The following STRN variants were observed in gnomAD, a reference collection of about 807,000 sequenced individuals.
STRN encodes striatin, also known as protein phosphatase 2 regulatory subunit B'''alpha.
STRN carries 53 observed loss-of-function variants against 96.3 expected under a neutral mutation model. The ratio of observed to expected loss-of-function variants is 0.55; its 90% CI spans 0.44 to 0.69. STRN has a LOEUF of 0.69. Ranked by LOEUF, STRN falls within the 30% of genes least tolerant of loss-of-function variation. STRN has a pLI of 0.00. For missense variants in STRN, 987 were observed against 963.9 expected (o/e 1.02, Z -0.32); for synonymous variants, 428 against 355.9 (o/e 1.20, Z -2.28).
intron 7 of STRN, among the ~76,000 whole-genome samples, chr2:36,893,362 CT>C (rs1280739426): frequency 1.3e-5 from 2 of 151,258 alleles, no homozygotes; most frequent in African/African-American, 4.8e-5. Context: ...ATTAAATGAC[CT>C]TTTTTTTATG....
Position 36,857,823 on chromosome 2 carries a change from G to T in STRN, c.1837+33C>A, listed in dbSNP as rs376741019. On this transcript the variant is annotated intron_variant, in intron 14 of 17. Coordinates refer to ENST00000263918, the MANE Select transcript of STRN (RefSeq NM_003162.4). ...TTTTCAGAATAAACTGTTTTATAGA[G>T]GATTCAGCAAAATAATTTTTTAAAG... 2.9e-5 allele frequency: 46 copies of T among 1,569,042 alleles called. No homozygotes were observed. In the Middle Eastern group the frequency reaches 5.1e-4, roughly 17 times the overall value.
rs1664653897 is a variant in STRN at position 36,948,327 on chromosome 2, T to C, written c.234+17903A>G. ...GTTGGCCAGGCTGGTCTCCAACTCCTGACCTCAGGTGATCCGCCCGCCTCG... is the reference window on the plus strand; with the variant it reads ...GTTGGCCAGGCTGGTCTCCAACTCCCGACCTCAGGTGATCCGCCCGCCTCG... On this transcript the variant is annotated intron_variant, in intron 1 of 17. Transcript: ENST00000263918. Among the ~76,000 whole-genome samples, 4 of 151,990 alleles carry C rather than the reference T, an allele frequency of 2.6e-5. No homozygotes were observed. In the South Asian group the frequency reaches 8.3e-4, roughly 31 times the overall value.
chr2:36,938,716 A>G (rs1029837897), intron 1 of STRN, among the ~76,000 whole-genome samples: 4 of 152,276 alleles, frequency 2.6e-5, no homozygotes, highest in Admixed American at 2.6e-4. Context: ...TCTTTTAACT[A>G]TTGTCCTATC....
chr2:36,869,879 A>C (rs1265574619), intron 10 of STRN, 150 bp from the exon 11 acceptor site: 5 of 579,532 alleles, frequency 8.6e-6, no homozygotes, highest in African/African-American at 1.9e-5. Flanking sequence ...AAATAACCAA[A>C]CCACGAAGCA....
At chr2:36,938,341 G>T (rs376893902) in intron 1 of STRN, among the ~76,000 whole-genome samples, 2 of 151,852 alleles carry the variant, frequency 1.3e-5, no homozygotes, top group African/African-American at 2.4e-5. Flanking sequence ...CACAAGAATT[G>T]CTTGAATCTG....
chr2:36,965,878 C>G (rs758157703), intron 1 of STRN, among the ~76,000 whole-genome samples: 44 of 152,138 alleles, frequency 2.9e-4, no homozygotes, highest in Non-Finnish European at 5.3e-4. Flanking sequence ...ACGATTTGCT[C>G]CGCGTCTCTC....
At chr2:36,947,815 T>C (rs963202009) in intron 1 of STRN, among the ~76,000 whole-genome samples, 1 of 151,650 alleles carries the variant, frequency 6.6e-6, no homozygotes, top group African/African-American at 2.4e-5. Flanking sequence ...AAAGATGACA[T>C]GTGGAAAACT....
intron 16 of STRN, 51 bp downstream of exon 16, chr2:36,850,949 G>A (rs773656361): frequency 4.1e-6 from 5 of 1,218,728 alleles, no homozygotes; most frequent in South Asian, 2.7e-5. Context: ...ACTTGTGGTA[G>A]GGATTTTTTT....
At chr2:36,933,918 T>G (rs1332370274) in intron 1 of STRN, among the ~76,000 whole-genome samples, 8 of 152,142 alleles carry the variant, frequency 5.3e-5, no homozygotes, top group Non-Finnish European at 1.2e-4. Flanking sequence ...GATACCAGCC[T>G]GGCCAACACG....
At chr2:36,855,406 C>T in intron 14 of STRN, 54 bp from the exon 15 acceptor site, 1 of 1,595,134 alleles carries the variant, frequency 6.3e-7, no homozygotes, top group South Asian at 1.1e-5. Flanking sequence ...ACTTGACAAT[C>T]TGCTTAAAAT....
At chr2:36,851,844 T>G (rs1668229635) in intron 15 of STRN, among the ~76,000 whole-genome samples, 1 of 152,230 alleles carries the variant, frequency 6.6e-6, no homozygotes. Flanking sequence ...GAGGGCTTCT[T>G]AATCCTTAAA....
At chr2:36,929,345 T>C (rs1055027868) in intron 1 of STRN, among the ~76,000 whole-genome samples, 3 of 152,184 alleles carry the variant, frequency 2.0e-5, no homozygotes, top group African/African-American at 7.2e-5. Flanking sequence ...ACAATTAAAA[T>C]ATTTAAAATG....
intron 9 of STRN, among the ~76,000 whole-genome samples, chr2:36,878,598 GTAAT>G (rs1668977821): frequency 6.6e-6 from 1 of 152,114 alleles, no homozygotes. Context: ...CAGGGCCCTG[GTAAT>G]GTTCTACTTG....
At chr2:36,915,533 G>T (rs2148217896) in intron 3 of STRN, among the ~76,000 whole-genome samples, 2 of 152,060 alleles carry the variant, frequency 1.3e-5, no homozygotes, top group South Asian at 4.1e-4. Context: ...AAAAGAAAAA[G>T]AAGAAATAAT....
In STRN at chr2:36,905,593, C is replaced by T; in HGVS notation, c.438G>A (p.Gln146=). The T allele has an allele frequency of 6.2e-7, 1 of 1,613,214 alleles. No individual in the cohort carries two copies. Among genetic ancestry groups the T allele is most frequent in the Non-Finnish European group, 8.5e-7 (1 of 1,179,896 alleles). ...DSDEGNETEV[Q]PQQNSQLMWK... ...ACATTAACTGGCTGTTTTGTTGTGGCTGCACTTCTGTTTCATTACCTTCAT... is the reference window on the plus strand; with the variant it reads ...ACATTAACTGGCTGTTTTGTTGTGGTTGCACTTCTGTTTCATTACCTTCAT... Residue 146 remains glutamine, a synonymous_variant, in exon 4 of 18, where the codon CAG becomes CAA. Transcript: ENST00000263918.
chr2:36,844,866 G>T lies in STRN; in HGVS notation c.*4590C>A, dbSNP rs139167845. 10 of 152,132 alleles carry T rather than the reference G, an allele frequency of 6.6e-5. No homozygotes were observed. The highest frequency in any genetic ancestry group is 2.2e-4 in the African/African-American group (9 of 41,516). 9.4% of individuals were successfully genotyped at this position (152,132 alleles called of 1,614,324 possible). A position where few individuals can be genotyped will look rare whatever the true frequency, so the allele number is the denominator to read the frequency against. Reference sequence around the variant, plus strand: ...GTCCTTTGTTTTTAAACACAGATACGTTTTTCTGGGCCTTTCTCTAAAATG... The same window carrying T: ...GTCCTTTGTTTTTAAACACAGATACTTTTTTCTGGGCCTTTCTCTAAAATG... On this transcript the variant is annotated 3_prime_UTR_variant, in exon 18 of 18. Transcript: ENST00000263918.
Position 36,842,755 on chromosome 2 carries a change from ACT to A in STRN, c.*6699_*6700del, listed in dbSNP as rs1667981182. On this transcript the variant is annotated 3_prime_UTR_variant, in exon 18 of 18. Transcript: ENST00000263918. ...TTGAATCATTTGATATACAAAACTTACTGAGTTAAAATTTGTGTTTCAGAAAA... is the reference window on the plus strand; with the variant it reads ...TTGAATCATTTGATATACAAAACTTAGAGTTAAAATTTGTGTTTCAGAAAA... Among the ~76,000 whole-genome samples the A allele has an allele frequency of 6.6e-6, 1 of 152,202 alleles. No individual in the cohort carries two copies. Among genetic ancestry groups the A allele is most frequent in the Non-Finnish European group, 1.5e-5 (1 of 68,040 alleles).
intron 3 of STRN, among the ~76,000 whole-genome samples, chr2:36,907,497 G>A (rs1480279669): frequency 2.6e-5 from 4 of 151,854 alleles, no homozygotes; most frequent in South Asian, 2.1e-4. Flanking sequence ...GCAGTGAGCC[G>A]AGATGATGCC....
rs1299697709 is a variant in STRN, at chr2:36,847,586, C to T, written c.*1870G>A. On this transcript the variant is annotated 3_prime_UTR_variant, in exon 18 of 18. Transcript: ENST00000263918. ...AATTACACAAAGCAGTCTCTTGAGC[C>T]TGCTTGTTAACCAAAGCACAAAGAT... 6.6e-6 allele frequency: 1 copy of T among 152,118 alleles called. No individual in the cohort carries two copies. Among genetic ancestry groups the T allele is most frequent in the Admixed American group, 6.6e-5 (1 of 15,256 alleles). 9.4% of individuals were successfully genotyped at this position (152,118 alleles called of 1,614,324 possible).
Sources: gnomAD v4.1 joint callset for allele counts (sites outside exome capture counted in the v4.1 genomes callset) on GRCh38, gnomAD v4.1.1 for gene constraint, MANE v1.5 for transcripts, NCBI Gene and HGNC (gene_info 2026-07-23, HGNC 2026-07-21) for gene names.